Variants in CLIC6 observed in about 807,000 individuals in gnomAD.
The protein encoded by CLIC6 is chloride intracellular channel protein 6.
A neutral mutation model predicts 49.2 loss-of-function variants in CLIC6; 39 were observed. The observed-to-expected ratio is 0.79, with a 90% CI of 0.61 to 1.04. The LOEUF is 1.04. Among genes scored for constraint, CLIC6 ranks in the 50% least tolerant of loss-of-function variants. The pLI is 0.00. For missense variants in CLIC6, 988 were observed against 993.1 expected (o/e 0.99, Z 0.07); for synonymous variants, 446 against 433.4 (o/e 1.03, Z -0.36).
rs1487413742 is a variant in CLIC6, at chr21:34,670,403, G to A, written c.1015G>A (p.Val339Ile). 1 of 1,461,664 alleles carries A rather than the reference G, an allele frequency of 6.8e-7. No individual in the cohort carries two copies. Among genetic ancestry groups the A allele is most frequent in the Non-Finnish European group, 9.0e-7 (1 of 1,107,684 alleles). 90.5% of individuals were successfully genotyped at this position (1,461,664 alleles called of 1,614,324 possible). The change falls in exon 1 of 6, where the codon GTA (valine) becomes ATA (isoleucine). Residue 339 changes from valine (V) to isoleucine (I), a missense_variant. By Grantham distance (29) the Val-to-Ile change is conservative. Around this residue, in one of 3 missense-constraint regions of CLIC6, gnomAD observed 647 missense variants for 596.9 expected, o/e 1.08. Transcript: ENST00000349499. ...DAAEEAEVPGVKGSEEAAPGD... is the reference protein window; with the variant it reads ...DAAEEAEVPGIKGSEEAAPGD... ...AGCGGAGGAGGCGGAGGTCCCGGGG[G>A]TAAAGGGGTCCGAAGAAGCGGCCCC...
intron 2 of CLIC6, 88 bp from the exon 3 acceptor site, chr21:34,707,856 C>G: frequency 6.9e-7 from 1 of 1,456,290 alleles, no homozygotes; most frequent in South Asian, 1.2e-5. Flanking sequence ...AGTTGCTTCT[C>G]TTAAACTGGT....
intron 1 of CLIC6, among the ~76,000 whole-genome samples, chr21:34,685,707 C>T (rs1989864011): frequency 6.6e-6 from 1 of 152,136 alleles, no homozygotes. Flanking sequence ...ACACATCAGA[C>T]ATGGAGGGGG....
intron 5 of CLIC6, 49 bp downstream of exon 5, chr21:34,709,587 GTTTTA>G: frequency 6.6e-7 from 1 of 1,518,276 alleles, no homozygotes; most frequent in Admixed American, 1.8e-5. Flanking sequence ...ACGGGGCTTT[GTTTTA>G]TTTTGTTTTT....
At chr21:34,694,895 C>T (rs1601276962) in intron 1 of CLIC6, among the ~76,000 whole-genome samples, 1 of 152,196 alleles carries the variant, frequency 6.6e-6, no homozygotes, top group Non-Finnish European at 1.5e-5. Flanking sequence ...CTAAGTACTA[C>T]CTGCTTCAGG....
chr21:34,704,143 G>C (rs764517486), intron 1 of CLIC6, among the ~76,000 whole-genome samples: 1 of 152,174 alleles, frequency 6.6e-6, no homozygotes, highest in Non-Finnish European at 1.5e-5. Context: ...TCCCAATTAT[G>C]GCGACAGTGT....
In CLIC6 at chr21:34,669,656, C is replaced by T. The variant is rs1434813663; in HGVS notation, c.268C>T (p.Pro90Ser). 1.4e-5 allele frequency: 19 copies of T among 1,324,618 alleles called. No homozygotes were observed. Among genetic ancestry groups the T allele is most frequent in the Non-Finnish European group, 1.8e-5 (19 of 1,042,062 alleles). 82.1% of individuals were successfully genotyped at this position (1,324,618 alleles called of 1,614,324 possible). Residue 90 changes from proline to serine, a missense_variant, in exon 1 of 6, where the codon CCG becomes TCG. Coordinates refer to ENST00000349499, the MANE Select transcript of CLIC6 (RefSeq NM_053277.3). ...CGAGACTGAGGCCGAGGAGGGAGCC[C>T]CGGAGGGTGCCGAGGTGCCCCAAGG... ...HGETEAEEGA[P>S]EGAEVPQGGE...
At chr21:34,716,239 G>A in intron 5 of CLIC6, 82 bp from the exon 6 acceptor site, 1 of 1,139,768 alleles carries the variant, frequency 8.8e-7, no homozygotes. Flanking sequence ...TGTATTGCAT[G>A]CCTCAGAAGA....
In CLIC6 at chr21:34,670,255, G is replaced by T; in HGVS notation, c.867G>T (p.Ala289=). 4.2e-6 allele frequency: 6 copies of T among 1,431,524 alleles called. No individual in the cohort carries two copies. Among genetic ancestry groups the T allele is most frequent in the Non-Finnish European group, 5.5e-6 (6 of 1,099,796 alleles). The allele number at this position is 1,431,524 out of a possible 1,614,324, so 88.7% of individuals were successfully genotyped here. Residue 289 remains alanine, a synonymous_variant, in exon 1 of 6, where the codon GCG becomes GCT. Coordinates refer to ENST00000349499, the MANE Select transcript of CLIC6 (RefSeq NM_053277.3). ...ACGCCGAGGGTCCGGCAGGAAGGGCGCGCCGGGTCTCGGGTGAGCCGCAGC... is the reference window on the plus strand; with the variant it reads ...ACGCCGAGGGTCCGGCAGGAAGGGCTCGCCGGGTCTCGGGTGAGCCGCAGC... ...SMDAEGPAGR[A]RRVSGEPQQS...
chr21:34,689,186 G>T (rs1405156579), intron 1 of CLIC6, among the ~76,000 whole-genome samples: 1 of 152,212 alleles, frequency 6.6e-6, no homozygotes, highest in Non-Finnish European at 1.5e-5. Context: ...AGTTCCAGAT[G>T]CAGGGAGAGG....
intron 1 of CLIC6, among the ~76,000 whole-genome samples, chr21:34,686,652 A>G (rs1989885249): frequency 6.6e-6 from 1 of 152,082 alleles, no homozygotes. Context: ...TGCCTTATTC[A>G]CTGACCATCC....
chr21:34,704,208 A>G (rs955894186), intron 1 of CLIC6, among the ~76,000 whole-genome samples: 11 of 152,190 alleles, frequency 7.2e-5, no homozygotes, highest in African/African-American at 2.7e-4. Flanking sequence ...GGGCTAATGA[A>G]TATGACCAAG....
intron 1 of CLIC6, among the ~76,000 whole-genome samples, chr21:34,706,991 G>T (rs949159852): frequency 2.6e-5 from 4 of 152,208 alleles, no homozygotes; most frequent in Admixed American, 6.5e-5. Context: ...GTGAGCTGCT[G>T]CTCAGAGGCC....
rs1160224761 is a variant in CLIC6, at chr21:34,700,460, AAAG to A, written c.1375-6817_1375-6815del. The stretch of plus-strand genomic sequence containing the variant: ...AGACTCCGTCTCAAAAAAAAAAAAA[AAAG>A]AAAAGAAAAGAATAAGAGAAATGAT... On this transcript the variant is annotated intron_variant, in intron 1 of 5. Coordinates refer to ENST00000349499, the MANE Select transcript of CLIC6 (RefSeq NM_053277.3). Among the ~76,000 whole-genome samples the A allele has an allele frequency of 9.3e-5, 13 of 139,264 alleles. 1 individual carries two copies. Among genetic ancestry groups the A allele is most frequent in the Admixed American group, 8.3e-4 (12 of 14,470 alleles). 91.4% of individuals were successfully genotyped at this position (139,264 alleles called of 152,430 possible).
At position 34,682,339 on chromosome 21, in the gene CLIC6, T is replaced by C. The variant is rs111685950; in HGVS notation, c.1374+11577T>C. Among the ~76,000 whole-genome samples, 14 of 152,344 alleles carry C rather than the reference T, an allele frequency of 9.2e-5. 1 individual carries two copies. Among genetic ancestry groups the C allele is most frequent in the African/African-American group, 3.1e-4 (13 of 41,584 alleles). ...CTGAGGTATTATCAAATATTTTGAA[T>C]CTGAGAGGTGAAAATAATGTCCATT... On this transcript the variant is annotated intron_variant, in intron 1 of 5. Transcript: ENST00000349499.
intron 1 of CLIC6, chr21:34,706,055 G>A (rs574405339): frequency 1.3e-3 from 904 of 685,444 alleles, no homozygotes; most frequent in Non-Finnish European, 1.1e-3. Flanking sequence ...GGCTGTTCTC[G>A]CATTGCTATA....
chr21:34,700,441 C>T (rs1473232437), intron 1 of CLIC6, among the ~76,000 whole-genome samples: 1 of 107,306 alleles, frequency 9.3e-6, no homozygotes. Context: ...AGCGAGACTC[C>T]GTCTCAAAAA....
intron 1 of CLIC6, among the ~76,000 whole-genome samples, chr21:34,695,027 C>A (rs1261813236): frequency 1.3e-5 from 2 of 152,236 alleles, no homozygotes; most frequent in Non-Finnish European, 2.9e-5. Flanking sequence ...ACAAATTACA[C>A]CACAAGCTTG....
intron 5 of CLIC6, among the ~76,000 whole-genome samples, chr21:34,712,956 G>T (rs1218486957): frequency 6.6e-6 from 1 of 152,182 alleles, no homozygotes; most frequent in East Asian, 1.9e-4. Flanking sequence ...GCAGAGCAGT[G>T]GTTGGCGACA....
intron 1 of CLIC6, chr21:34,706,224 G>A (rs567848723): frequency 4.1e-5 from 21 of 509,404 alleles, no homozygotes; most frequent in East Asian, 2.5e-4. Context: ...GAGCAGGCAC[G>A]TCACATGGCC....
Sources: gnomAD v4.1 joint callset for allele counts (sites outside exome capture counted in the v4.1 genomes callset) on GRCh38, gnomAD v4.1.1 for gene constraint, gnomAD v4.1.1 regional missense constraint, MANE v1.5 for transcripts, NCBI Gene and HGNC (gene_info 2026-07-23, HGNC 2026-07-21) for gene names.